EPHA2: variants seen among roughly 807,000 people sequenced by gnomAD.
EPHA2 encodes the protein EPH receptor A2, also known as ephrin type-A receptor 2.
A neutral mutation model predicts 104.9 loss-of-function variants in EPHA2; 54 were observed. The observed-to-expected ratio is 0.51, with a 90% CI of 0.41 to 0.65. The LOEUF (loss-of-function observed/expected upper bound fraction) is 0.65, where lower values mean the gene tolerates loss of function less well. EPHA2 is among the 30% of genes least tolerant of loss of function. The pLI, the probability that EPHA2 is intolerant of heterozygous loss-of-function variation, is 0.00. For synonymous variants in EPHA2, 560 were observed against 559.1 expected (o/e 1.00, Z -0.02); for missense variants, 1,117 against 1,369.5 (o/e 0.82, Z 2.91).
At chr1:16,155,409 C>T (rs1475541736) in intron 1 of EPHA2, 1 of 152,350 alleles carries the variant, frequency 6.6e-6, no homozygotes, top group Non-Finnish European at 1.5e-5. Context: ...AGCCCCCTCC[C>T]CAAAATGCGA....
intron 2 of EPHA2, among the ~76,000 whole-genome samples, chr1:16,149,554 G>A (rs536600857): frequency 7.9e-5 from 12 of 152,282 alleles, no homozygotes; most frequent in Admixed American, 6.5e-4. Context: ...CAAAAACAAC[G>A]GATGATGCTC....
At chr1:16,152,958 C>T (rs923014084) in intron 1 of EPHA2, among the ~76,000 whole-genome samples, 2 of 152,166 alleles carry the variant, frequency 1.3e-5, no homozygotes, top group African/African-American at 4.8e-5. Context: ...TCCGCCCTGA[C>T]GCGGGCGCGG....
At position 16,129,528 on chromosome 1, in the gene EPHA2, C is replaced by G; in HGVS notation, c.2731G>C (p.Glu911Gln). 1 of 1,613,596 alleles carries G rather than the reference C, an allele frequency of 6.2e-7. No individual in the cohort carries two copies. Among genetic ancestry groups the G allele is most frequent in the Non-Finnish European group, 8.5e-7 (1 of 1,180,004 alleles). ...TGCATCTTGATGGACTCCAGCCACT[C>G]GGACACCGTGCGGAAGGGCACCCCC... is the stretch of plus-strand genomic sequence containing the variant. ...SEGVPFRTVSEWLESIKMQQY... is the reference protein window; with the variant it reads ...SEGVPFRTVSQWLESIKMQQY... The change falls in exon 16 of 17, where the codon GAG (glutamate) becomes CAG (glutamine). Residue 911 changes from glutamate to glutamine, a missense_variant. Physicochemically the swap from Glu to Gln is conservative, Grantham distance 29. Around this residue, in one of 3 missense-constraint regions of EPHA2, gnomAD observed 340 missense variants for 480.5 expected, o/e 0.71. Transcript: ENST00000358432.
At position 16,135,472 on chromosome 1, in the gene EPHA2, C is replaced by T. The variant is rs547462796; in HGVS notation, c.1428+183G>A. 9 of 739,052 alleles carry T rather than the reference C, an allele frequency of 1.2e-5. No homozygotes were observed. The highest frequency in any genetic ancestry group is 1.9e-5 in the Non-Finnish European group (8 of 425,312). The allele number at this position is 739,052 out of a possible 1,614,324, so 45.8% of individuals were successfully genotyped here. On this transcript the variant is annotated intron_variant, in intron 6 of 16. Transcript: ENST00000358432. The surrounding 1 kb of genome is among the most constrained non-coding windows in gnomAD (Gnocchi z 4.3). ...CTTCCAAGGACGCCATGTCTTCTCT[C>T]GTACAAATCTCTGCTGTGCTGCCTT...
rs1333795699 is a variant in EPHA2 at position 16,148,365 on chromosome 1, A to T, written c.823+13T>A. On this transcript the variant is annotated intron_variant, in intron 3 of 16. Transcript: ENST00000358432. The surrounding 1 kb of genome is among the most constrained non-coding windows in gnomAD (Gnocchi z 4.9). ...CAGAACCCCCTTCCCTGCAACCCAG[A>T]ACCGTCACTCACCCTGGCAGGCATC... 6.2e-7 allele frequency: 1 copy of T among 1,613,404 alleles called. No individual in the cohort carries two copies. The highest frequency in any genetic ancestry group is 2.2e-5 in the East Asian group (1 of 44,880).
Position 16,131,661 on chromosome 1 carries a change from A to G in EPHA2, c.2475+60T>C. The G allele has an allele frequency of 6.2e-7, 1 of 1,608,262 alleles. No homozygotes were observed. Among genetic ancestry groups the G allele is most frequent in the South Asian group, 1.1e-5 (1 of 90,960 alleles). ...TCCTCTGCCCAGCCCCTGCAGTTTG[A>G]GATGAGTAAAGGGCTTGAGTTCAGG... On this transcript the variant is annotated intron_variant, in intron 14 of 16. Transcript: ENST00000358432. The surrounding 1 kb of genome is among the most constrained non-coding windows in gnomAD (Gnocchi z 5.2).
Position 16,130,255 on chromosome 1 carries a change from G to A in EPHA2, c.2640C>T (p.Ser880=). Residue 880 remains serine, a synonymous_variant, in exon 15 of 17, where the codon TCC becomes TCT. Transcript: ENST00000358432. This position sits in a 1 kb window ranked among gnomAD's most constrained non-coding sequence, Gnocchi z 4.5. ...ILDKLIRAPD[S]LKTLADFDPR... Reference sequence around the variant, plus strand: ...GGTCAAAGTCAGCCAGGGTCTTGAGGGAGTCAGGGGCACGAATGAGCTTGT... The same window carrying A: ...GGTCAAAGTCAGCCAGGGTCTTGAGAGAGTCAGGGGCACGAATGAGCTTGT... 1 of 1,614,134 alleles carries A rather than the reference G, an allele frequency of 6.2e-7. No homozygotes were observed. The highest frequency in any genetic ancestry group is 8.5e-7 in the Non-Finnish European group (1 of 1,180,000).
rs2024660397 is a variant in EPHA2, at chr1:16,135,214, AGCAGGCAGTGAGG to A, written c.1429-38_1429-26del. 9 of 1,612,826 alleles carry A rather than the reference AGCAGGCAGTGAGG, an allele frequency of 5.6e-6. No individual in the cohort carries two copies. The highest frequency in any genetic ancestry group is 2.2e-5 in the East Asian group (1 of 44,856). On this transcript the variant is annotated intron_variant, in intron 6 of 16. Transcript: ENST00000358432. The surrounding 1 kb of genome is among the most constrained non-coding windows in gnomAD (Gnocchi z 4.3). Reference sequence around the variant, plus strand: ...CCTGTGGGTGGGTGGCCGGCGGAGGAGCAGGCAGTGAGGGCAGGGCAGGGGCCTCGGCTCAGCC... The same window carrying A: ...CCTGTGGGTGGGTGGCCGGCGGAGGAGCAGGGCAGGGGCCTCGGCTCAGCC...
chr1:16,137,817 GC>G, intron 5 of EPHA2, 35 bp downstream of exon 5: 6 of 1,611,450 alleles, frequency 3.7e-6, no homozygotes, highest in Non-Finnish European at 4.2e-6. Context: ...ACCTGGGCAG[GC>G]CCCATAGGGC....
chr1:16,127,486 TGGGAG>T lies in EPHA2; in HGVS notation c.2825+1943_2825+1947del, dbSNP rs554504067. 4.6e-5 allele frequency among the ~76,000 whole-genome samples: 7 copies of T among 152,122 alleles called. No individual in the cohort carries two copies. In the South Asian group the frequency reaches 1.5e-3, roughly 32 times the overall value. On this transcript the variant is annotated intron_variant, in intron 16 of 16. Coordinates refer to ENST00000358432, the MANE Select transcript of EPHA2 (RefSeq NM_004431.5). ...CCAGGGGACCAGGCAGCTGGTCCCC[TGGGAG>T]GGAGTCAAGAAGGCAGGAGGCTGAG...
At chr1:16,139,131 C>T (rs1359814208) in intron 3 of EPHA2, among the ~76,000 whole-genome samples, 1 of 152,214 alleles carries the variant, frequency 6.6e-6, no homozygotes, top group Non-Finnish European at 1.5e-5. Context: ...GTGGCCAGTC[C>T]TGTCCTGGCC....
At chr1:16,126,901 A>G (rs1360248951) in intron 16 of EPHA2, among the ~76,000 whole-genome samples, 1 of 151,782 alleles carries the variant, frequency 6.6e-6, no homozygotes, top group Non-Finnish European at 1.5e-5. Flanking sequence ...ACCCCTGCCC[A>G]GGGTCCAGGA....
intron 9 of EPHA2, 111 bp downstream of exon 9, chr1:16,133,749 G>A: frequency 6.7e-7 from 1 of 1,484,148 alleles, no homozygotes; most frequent in Non-Finnish European, 9.0e-7. Flanking sequence ...GCCCACGGAA[G>A]CCTGTGGCCC....
At chr1:16,143,217 T>A (rs1017094494) in intron 3 of EPHA2, among the ~76,000 whole-genome samples, 2 of 147,448 alleles carry the variant, frequency 1.4e-5, no homozygotes, top group African/African-American at 5.0e-5. Context: ...TAGGGGTGGA[T>A]GGGTGGAGGG....
intron 5 of EPHA2, among the ~76,000 whole-genome samples, chr1:16,137,183 T>C (rs1252552773): frequency 6.6e-6 from 1 of 151,958 alleles, no homozygotes; most frequent in Non-Finnish European, 1.5e-5. Context: ...GTCACAGAGC[T>C]CAGAAGCGGC....
chr1:16,136,736 A>G lies in EPHA2; in HGVS notation c.1313-966T>C, dbSNP rs1465148550. ...GAAAAGAAGAAGAAGAAGAAGAAGAAGAAGAAGAAGAAGAAGAAGAAGAAG... is the reference window on the plus strand; with the variant it reads ...GAAAAGAAGAAGAAGAAGAAGAAGAGGAAGAAGAAGAAGAAGAAGAAGAAG... On this transcript the variant is annotated intron_variant, in intron 5 of 16. Coordinates refer to ENST00000358432, the MANE Select transcript of EPHA2 (RefSeq NM_004431.5). Among the ~76,000 whole-genome samples, 3 of 150,680 alleles carry G rather than the reference A, an allele frequency of 2.0e-5. 1 individual carries two copies. In the South Asian group the frequency reaches 6.3e-4, roughly 32 times the overall value.
chr1:16,153,843 C>T (rs1001503686), intron 1 of EPHA2, among the ~76,000 whole-genome samples: 1 of 152,062 alleles, frequency 6.6e-6, no homozygotes, highest in African/African-American at 2.4e-5. Context: ...CCAGGCAGAC[C>T]CACCACATAC....
chr1:16,133,244 C>T lies in EPHA2; in HGVS notation c.1989G>A (p.Glu663=). The change falls in exon 11 of 17, where the codon GAG becomes GAA. Residue 663 remains glutamate, a synonymous_variant. Transcript: ENST00000358432. ...TEKQRVDFLG[E]AGIMGQFSHH... ...GGCTGAACTGGCCCATGATGCCGGC[C>T]TCGCCGAGGAAGTCCACTCGCTGCT... 2 of 1,613,856 alleles carry T rather than the reference C, an allele frequency of 1.2e-6. No homozygotes were observed. Among genetic ancestry groups the T allele is most frequent in the Non-Finnish European group, 8.5e-7 (1 of 1,179,914 alleles).
Position 16,150,012 on chromosome 1 carries a change from A to G in EPHA2, c.153+884T>C, listed in dbSNP as rs1031733813. On this transcript the variant is annotated intron_variant, in intron 2 of 16. Coordinates refer to ENST00000358432, the MANE Select transcript of EPHA2 (RefSeq NM_004431.5). The surrounding 1 kb of genome is among the most constrained non-coding windows in gnomAD (Gnocchi z 4.8). ...CTTGGGCCTCAGTTTCCCACTCTGTATAAAGACTGGGTTGTATTAGGTGAC... is the reference window on the plus strand; with the variant it reads ...CTTGGGCCTCAGTTTCCCACTCTGTGTAAAGACTGGGTTGTATTAGGTGAC... 2.6e-5 allele frequency among the ~76,000 whole-genome samples: 4 copies of G among 152,182 alleles called. No individual in the cohort carries two copies. Among genetic ancestry groups the G allele is most frequent in the African/African-American group, 4.8e-5 (2 of 41,450 alleles).
Sources: allele counts gnomAD v4.1 joint callset (sites outside exome capture counted in the v4.1 genomes callset), GRCh38; gene constraint gnomAD v4.1.1; regional missense constraint gnomAD v4.1.1; non-coding constraint Gnocchi (gnomAD v3.1); transcripts MANE v1.5; gene names NCBI Gene and HGNC (gene_info 2026-07-23, HGNC 2026-07-21).